Variants in EDA2R observed in about 807,000 individuals in gnomAD.
EDA2R encodes the protein ectodysplasin A2 receptor.
In EDA2R, 26 loss-of-function variants were observed where a neutral mutation model predicts 20.1. The observed-to-expected ratio is 1.30, with a 90% CI of 0.95 to 1.80. EDA2R has a LOEUF of 1.80. Ranked by LOEUF, EDA2R falls within the 40% of genes most tolerant of loss-of-function variation. The pLI is 0.00. For missense variants in EDA2R, 277 were observed against 228.7 expected (o/e 1.21, Z -1.36); for synonymous variants, 114 against 88.7 (o/e 1.29, Z -1.60).
chrX:66,606,555 C>A (rs1473649432), intron 2 of EDA2R, among the ~76,000 whole-genome samples: 4 of 112,147 alleles, frequency 3.6e-5, no homozygotes, highest in African/African-American at 1.3e-4. Context: ...GAAAAACAAG[C>A]AGGAACTGTC....
intron 1 of EDA2R, among the ~76,000 whole-genome samples, chrX:66,636,841 T>C (rs1194826443): frequency 9.0e-6 from 1 of 110,568 alleles, no homozygotes; most frequent in Non-Finnish European, 1.9e-5. Context: ...ATTTGACTAC[T>C]TCTCATTGGG....
intron 1 of EDA2R, among the ~76,000 whole-genome samples, chrX:66,621,487 G>C (rs1432583552): frequency 8.9e-6 from 1 of 112,271 alleles, no homozygotes; most frequent in Non-Finnish European, 1.9e-5. Context: ...TAGCCAAAAA[G>C]TGGGGAAAAT....
intron 2 of EDA2R, among the ~76,000 whole-genome samples, chrX:66,605,555 C>T (rs1411675199): frequency 8.9e-6 from 1 of 112,137 alleles, no homozygotes; most frequent in Non-Finnish European, 1.9e-5. Context: ...TCATATTTGC[C>T]TACCAGGGGG....
At position 66,624,154 on chromosome X, in the gene EDA2R, G is replaced by A. The variant is rs1158912682; in HGVS notation, c.-10-8124C>T. Among the ~76,000 whole-genome samples the A allele has an allele frequency of 3.6e-5, 4 of 112,044 alleles. No individual in the cohort carries two copies. In the East Asian group the frequency reaches 8.4e-4, roughly 24 times the overall value. On this transcript the variant is annotated intron_variant, in intron 1 of 6. Transcript: ENST00000374719. ...AGTAAAAGGTTTCATAGTTTATAAA[G>A]GATTTTACATCGATTAGCTCAACAG...
intron 1 of EDA2R, among the ~76,000 whole-genome samples, chrX:66,623,319 A>G (rs1932813702): frequency 8.9e-6 from 1 of 112,005 alleles, no homozygotes; most frequent in African/African-American, 3.2e-5. Flanking sequence ...GAGAAACCCA[A>G]GGTCTATCCA....
chrX:66,609,852 TG>T (rs1930401742), intron 2 of EDA2R, among the ~76,000 whole-genome samples: 1 of 111,591 alleles, frequency 9.0e-6, no homozygotes, highest in African/African-American at 3.3e-5. Flanking sequence ...ATGTGAAAAA[TG>T]ATAAAATTTG....
At chrX:66,606,957 T>C (rs1275666388) in intron 2 of EDA2R, among the ~76,000 whole-genome samples, 1 of 112,613 alleles carries the variant, frequency 8.9e-6, no homozygotes, top group Non-Finnish European at 1.9e-5. Flanking sequence ...CAAGGCAAAC[T>C]AACAAACCAC....
At chrX:66,602,113 A>C (rs1928712884) in intron 5 of EDA2R, among the ~76,000 whole-genome samples, 1 of 111,484 alleles carries the variant, frequency 9.0e-6, no homozygotes, top group Non-Finnish European at 1.9e-5. Context: ...TTAGACCTCA[A>C]CCACTTTTAT....
intron 1 of EDA2R, among the ~76,000 whole-genome samples, chrX:66,631,063 A>G (rs1355626802): frequency 9.1e-6 from 1 of 109,599 alleles, no homozygotes; most frequent in Non-Finnish European, 1.9e-5. Flanking sequence ...ACACATATAT[A>G]TTGATGAGAT....
chrX:66,626,431 C>A (rs888721864), intron 1 of EDA2R, among the ~76,000 whole-genome samples: 1 of 111,722 alleles, frequency 9.0e-6, no homozygotes, highest in Admixed American at 9.5e-5. Flanking sequence ...GACTCAAAGA[C>A]AAGGTCTTCA....
intron 1 of EDA2R, among the ~76,000 whole-genome samples, chrX:66,630,820 T>C (rs6624229): frequency 2.8e-4 from 11 of 39,530 alleles, no homozygotes; most frequent in African/African-American, 6.6e-4. Flanking sequence ...CATATATATA[T>C]ATACACACAC....
At chrX:66,607,122 A>C (rs1929823902) in intron 2 of EDA2R, among the ~76,000 whole-genome samples, 1 of 112,155 alleles carries the variant, frequency 8.9e-6, no homozygotes, top group Non-Finnish European at 1.9e-5. Context: ...ACATGCTCAG[A>C]AAATACTAGT....
chrX:66,599,357 G>T, intron 6 of EDA2R, 117 bp downstream of exon 6: 2 of 845,533 alleles, frequency 2.4e-6, no homozygotes, highest in Non-Finnish European at 3.2e-6. Context: ...TTCCTAGCTT[G>T]CTGCTGTTCC....
At chrX:66,636,984 T>C (rs1934394180) in intron 1 of EDA2R, among the ~76,000 whole-genome samples, 1 of 110,367 alleles carries the variant, frequency 9.1e-6, no homozygotes. Flanking sequence ...TACTTCTAAA[T>C]GTCTTGTGGA....
At chrX:66,616,444 T>A (rs1182034373) in intron 1 of EDA2R, among the ~76,000 whole-genome samples, 1 of 112,236 alleles carries the variant, frequency 8.9e-6, no homozygotes, top group Non-Finnish European at 1.9e-5. Flanking sequence ...TGTGAACAGA[T>A]CATAACAATT....
At chrX:66,613,017 A>G (rs1352420789) in intron 2 of EDA2R, among the ~76,000 whole-genome samples, 1 of 111,422 alleles carries the variant, frequency 9.0e-6, no homozygotes. Context: ...TGATGCTGAT[A>G]GTGTTACAAT....
chrX:66,605,741 T>C (rs1929564869), intron 2 of EDA2R, among the ~76,000 whole-genome samples: 1 of 112,258 alleles, frequency 8.9e-6, no homozygotes, highest in Non-Finnish European at 1.9e-5. Flanking sequence ...CATCACATGA[T>C]CATTAATAAC....
intron 1 of EDA2R, among the ~76,000 whole-genome samples, chrX:66,629,575 C>T (rs998895954): frequency 7.2e-5 from 8 of 111,600 alleles, no homozygotes; most frequent in East Asian, 5.6e-4. Context: ...AAATCAACAA[C>T]TCAACCCCTT....
At chrX:66,609,484 G>A (rs1930324540) in intron 2 of EDA2R, among the ~76,000 whole-genome samples, 1 of 111,521 alleles carries the variant, frequency 9.0e-6, no homozygotes, top group African/African-American at 3.3e-5. Flanking sequence ...AAAAGTTAAA[G>A]GGTTTCTTGG....
Sources: allele counts gnomAD v4.1 joint callset (sites outside exome capture counted in the v4.1 genomes callset), GRCh38; gene constraint gnomAD v4.1.1; transcripts MANE v1.5; gene names NCBI Gene and HGNC (gene_info 2026-07-23, HGNC 2026-07-21).